SETX: variants seen among roughly 807,000 people sequenced by gnomAD.
The protein encoded by SETX is helicase senataxin.
Under a neutral mutation model 227.2 loss-of-function variants are expected in SETX, and 90 were observed. The ratio of observed to expected loss-of-function variants is 0.40; its 90% CI spans 0.33 to 0.47. SETX has a LOEUF of 0.47. Among genes scored for constraint, SETX ranks in the 20% least tolerant of loss-of-function variants. The pLI is 0.91. For missense variants in SETX, 3,052 were observed against 3,181.5 expected (o/e 0.96, Z 0.98); for synonymous variants, 1,210 against 1,113.2 (o/e 1.09, Z -1.73).
intron 12 of SETX, among the ~76,000 whole-genome samples, chr9:132,299,922 A>T (rs1187372090): frequency 6.6e-6 from 1 of 152,052 alleles, no homozygotes; most frequent in Non-Finnish European, 1.5e-5. Context: ...GGGGGTGAGG[A>T]GTTCGAGACC....
Position 132,328,270 on chromosome 9 carries a change from AT to A in SETX, c.3327del (p.Lys1109AsnfsTer6). The A allele has an allele frequency of 6.2e-7, 1 of 1,614,010 alleles. No homozygotes were observed. Among genetic ancestry groups the A allele is most frequent in the Non-Finnish European group, 8.5e-7 (1 of 1,179,990 alleles). On this transcript the variant is annotated frameshift_variant, in exon 10 of 26. Transcript: ENST00000224140. LOFTEE classifies it high-confidence loss of function. ...GTAGTATTGGCTATAGGAGCCAAAC[AT>A]TTTTTCTCACCATCTTGAACTGAAT... ...DNNSVQDGEK[K>X]CLAPIANTTN... is the part of the protein sequence containing the mutation.
chr9:132,336,674 C>T (rs1299493309), intron 5 of SETX, among the ~76,000 whole-genome samples, 159 bp from the exon 6 acceptor site: 1 of 152,218 alleles, frequency 6.6e-6, no homozygotes, highest in Non-Finnish European at 1.5e-5. Context: ...TTTGAACATA[C>T]TAACCCCTAA....
chr9:132,353,038 G>A (rs1327550013), intron 2 of SETX, among the ~76,000 whole-genome samples: 1 of 152,120 alleles, frequency 6.6e-6, no homozygotes, highest in Non-Finnish European at 1.5e-5. Context: ...AAGCCTAAAT[G>A]ATCTATTTCT....
chr9:132,300,572 A>G, intron 12 of SETX, 58 bp downstream of exon 12: 1 of 1,539,346 alleles, frequency 6.5e-7, no homozygotes, highest in Non-Finnish European at 9.0e-7. Context: ...ATTGAGAAGT[A>G]GATTATTAGA....
At chr9:132,302,198 A>T (rs925545457) in intron 11 of SETX, among the ~76,000 whole-genome samples, 1 of 151,932 alleles carries the variant, frequency 6.6e-6, no homozygotes, top group African/African-American at 2.4e-5. Flanking sequence ...TCTACTAAAA[A>T]TACAAAAAAT....
At chr9:132,341,191 G>A (rs777944327) in intron 5 of SETX, among the ~76,000 whole-genome samples, 6 of 152,084 alleles carry the variant, frequency 3.9e-5, no homozygotes, top group South Asian at 2.1e-4. Context: ...TACTTCCGGC[G>A]TGGGCAACAG....
chr9:132,278,108 A>C lies in SETX; in HGVS notation c.6804T>G (p.Pro2268=), dbSNP rs145236863. The change falls in exon 21 of 26, where the codon CCT becomes CCG. Residue 2268 remains proline, a synonymous_variant. Coordinates refer to ENST00000224140, the MANE Select transcript of SETX (RefSeq NM_015046.7). ...YRMHPDICLF[P]SNYVYNRNLK... ...AGTTTCTGTTATAAACATAATTAGAAGGGAAGAGGCATATGTCTGGATGCA... is the reference window on the plus strand; with the variant it reads ...AGTTTCTGTTATAAACATAATTAGACGGGAAGAGGCATATGTCTGGATGCA... 1 of 1,614,118 alleles carries C rather than the reference A, an allele frequency of 6.2e-7. No individual in the cohort carries two copies. Among genetic ancestry groups the C allele is most frequent in the Non-Finnish European group, 8.5e-7 (1 of 1,179,974 alleles).
chr9:132,301,194 G>A (rs573062563), intron 11 of SETX, among the ~76,000 whole-genome samples: 4 of 149,136 alleles, frequency 2.7e-5, no homozygotes, highest in Admixed American at 1.4e-4. Context: ...CCAGGTTCTC[G>A]CCATTCTCCT....
chr9:132,320,966 C>T (rs1450822833), intron 10 of SETX, among the ~76,000 whole-genome samples: 2 of 151,742 alleles, frequency 1.3e-5, no homozygotes, highest in African/African-American at 4.9e-5. Flanking sequence ...GGCAACTGTT[C>T]CTCCCTGGTC....
chr9:132,337,992 A>G (rs1460914019), intron 5 of SETX, among the ~76,000 whole-genome samples: 1 of 152,130 alleles, frequency 6.6e-6, no homozygotes, highest in Non-Finnish European at 1.5e-5. Flanking sequence ...ACAAGCTGAG[A>G]AGGACAGTAA....
chr9:132,266,071 A>G (rs1564465860), intron 25 of SETX: 1 of 152,218 alleles, frequency 6.6e-6, no homozygotes, highest in African/African-American at 2.4e-5. Context: ...CTTTACAACC[A>G]CTAGAATTCG....
rs112251805 is a variant in SETX, at chr9:132,263,806, ATC to A, written c.*431_*432del. On this transcript the variant is annotated 3_prime_UTR_variant, in exon 26 of 26. Coordinates refer to ENST00000224140, the MANE Select transcript of SETX (RefSeq NM_015046.7). ...GGTTGAAAGGACCCGCCCTCCTCCC[ATC>A]TTTTTTTTTTTGGTAATATAAAGTT... 0.088 allele frequency: 16,134 copies of A among 183,432 alleles called. 796 individuals are homozygous for A. The highest frequency in any genetic ancestry group is 0.13 in the African/African-American group (5,158 of 39,278). The allele number at this position is 183,432 out of a possible 1,614,324, so 11.4% of individuals were successfully genotyped here. A position where few individuals can be genotyped will look rare whatever the true frequency, so the allele number is the denominator to read the frequency against.
At chr9:132,345,687 T>C (rs1848247378) in intron 4 of SETX, among the ~76,000 whole-genome samples, 1 of 152,208 alleles carries the variant, frequency 6.6e-6, no homozygotes, top group Non-Finnish European at 1.5e-5. Flanking sequence ...ATGTTCACTG[T>C]ATAATTTACT....
intron 3 of SETX, among the ~76,000 whole-genome samples, chr9:132,348,153 G>T (rs1848395360): frequency 6.6e-6 from 1 of 151,496 alleles, no homozygotes; most frequent in Non-Finnish European, 1.5e-5. Context: ...GACGTCAGGA[G>T]TTTTGAGACC....
intron 10 of SETX, among the ~76,000 whole-genome samples, chr9:132,314,277 A>C (rs887768203): frequency 3.3e-5 from 5 of 152,242 alleles, no homozygotes; most frequent in African/African-American, 1.2e-4. Context: ...TTTTTAGTAG[A>C]GACAGAGTTT....
intron 10 of SETX, among the ~76,000 whole-genome samples, chr9:132,318,783 C>T (rs758977674): frequency 1.3e-5 from 2 of 152,088 alleles, no homozygotes; most frequent in Non-Finnish European, 2.9e-5. Context: ...TTCTGCCCTG[C>T]ACCACAAGGT....
intron 15 of SETX, among the ~76,000 whole-genome samples, chr9:132,294,067 C>T (rs1164173538): frequency 3.3e-5 from 5 of 152,058 alleles, no homozygotes; most frequent in African/African-American, 1.2e-4. Context: ...CTAGACACCT[C>T]GTTTGCCTCA....
At chr9:132,296,838 TA>T in intron 14 of SETX, 48 bp downstream of exon 14, 1 of 1,560,894 alleles carries the variant, frequency 6.4e-7, no homozygotes, top group Non-Finnish European at 8.8e-7. Context: ...TCAAGTAAAG[TA>T]AAATGATACA....
At chr9:132,311,285 A>G (rs1039959373) in intron 11 of SETX, among the ~76,000 whole-genome samples, 4 of 152,110 alleles carry the variant, frequency 2.6e-5, no homozygotes, top group Non-Finnish European at 5.9e-5. Flanking sequence ...TTTTAAGCAC[A>G]TCTACAGAGG....
Sources: gnomAD v4.1 joint callset for allele counts (sites outside exome capture counted in the v4.1 genomes callset) on GRCh38, gnomAD v4.1.1 for gene constraint, MANE v1.5 for transcripts, NCBI Gene and HGNC (gene_info 2026-07-23, HGNC 2026-07-21) for gene names.